The following SEMA5B variants were observed in gnomAD, a reference collection of about 807,000 sequenced individuals.
SEMA5B encodes semaphorin 5B.
SEMA5B carries 66 observed loss-of-function variants against 135.0 expected under a neutral mutation model. The ratio of observed to expected loss-of-function variants is 0.49; its 90% CI spans 0.40 to 0.60. The LOEUF is 0.60. SEMA5B is among the 20% of genes least tolerant of loss of function. The pLI, the probability that SEMA5B is intolerant of heterozygous loss-of-function variation, is 0.00. For missense variants in SEMA5B, 1,501 were observed against 1,566.3 expected, an observed-to-expected ratio of 0.96 and a Z score of 0.70; for synonymous variants, 690 against 639.5, an observed-to-expected ratio of 1.08 and a Z score of -1.19.
intron 21 of SEMA5B, 119 bp from the exon 22 acceptor site, chr3:122,911,164 T>C: frequency 9.5e-7 from 1 of 1,052,044 alleles, no homozygotes; most frequent in Non-Finnish European, 1.4e-6. Context: ...GAAAGGGCTC[T>C]GAGGCCACAG....
chr3:122,930,419 G>A (rs560757883), intron 5 of SEMA5B, among the ~76,000 whole-genome samples: 232 of 152,370 alleles, frequency 1.5e-3, no homozygotes, highest in African/African-American at 5.5e-3. Flanking sequence ...AAACAACCGA[G>A]CACTGTCATA....
At chr3:122,996,958 T>C (rs1474059135) in intron 1 of SEMA5B, among the ~76,000 whole-genome samples, 1 of 152,320 alleles carries the variant, frequency 6.6e-6, no homozygotes, top group Admixed American at 6.5e-5. Flanking sequence ...TGGTCCACCC[T>C]TGGGTTCTTT....
In SEMA5B at chr3:123,000,488, C is replaced by T. The variant is rs573987897; in HGVS notation, c.-39+26976G>A. On this transcript the variant is annotated intron_variant, in intron 1 of 22. Coordinates refer to ENST00000357599, the MANE Select transcript of SEMA5B (RefSeq NM_001031702.4). ...TAAAGGGCATCATAACAGCAAATGCCTCTCTGGCATTTGGCATGCACCTGG... is the reference window on the plus strand; with the variant it reads ...TAAAGGGCATCATAACAGCAAATGCTTCTCTGGCATTTGGCATGCACCTGG... 8.5e-5 allele frequency among the ~76,000 whole-genome samples: 13 copies of T among 152,294 alleles called. No individual in the cohort carries two copies. The South Asian group carries it at 1.9e-3, about 22-fold the overall frequency.
intron 1 of SEMA5B, among the ~76,000 whole-genome samples, chr3:123,020,538 A>G (rs73859434): frequency 0.021 from 3,151 of 152,320 alleles, 104 homozygotes; most frequent in African/African-American, 0.069. Flanking sequence ...GCCAGGAGCT[A>G]TAGCTGGTGC....
chr3:122,971,854 C>T (rs1015645751), intron 1 of SEMA5B, among the ~76,000 whole-genome samples: 3 of 152,254 alleles, frequency 2.0e-5, no homozygotes, highest in East Asian at 1.9e-4. Context: ...GTGGGAGCAA[C>T]AGGCACCGTG....
chr3:122,934,602 T>C (rs1037205380), intron 5 of SEMA5B, among the ~76,000 whole-genome samples: 2 of 152,228 alleles, frequency 1.3e-5, no homozygotes, highest in African/African-American at 2.4e-5. Flanking sequence ...AATTGCAGCA[T>C]ATTTGAATCC....
At chr3:122,927,685 G>A in intron 8 of SEMA5B, 105 bp downstream of exon 8, 1 of 777,524 alleles carries the variant, frequency 1.3e-6, no homozygotes, top group Non-Finnish European at 1.9e-6. Context: ...GCAAGTGGGA[G>A]CACTTGCAGA....
chr3:123,016,260 T>C (rs1311891899), intron 1 of SEMA5B, among the ~76,000 whole-genome samples: 1 of 152,184 alleles, frequency 6.6e-6, no homozygotes, highest in Non-Finnish European at 1.5e-5. Context: ...GGGAAGACAG[T>C]ATTCTGTAGG....
chr3:122,923,561 G>C (rs1938478212), intron 10 of SEMA5B, 56 bp downstream of exon 10: 1 of 1,600,662 alleles, frequency 6.2e-7, no homozygotes, highest in Admixed American at 1.7e-5. Context: ...CTTGTGGCTG[G>C]TAATCTGGGG....
At chr3:123,019,489 T>A (rs1423577365) in intron 1 of SEMA5B, among the ~76,000 whole-genome samples, 6 of 152,070 alleles carry the variant, frequency 3.9e-5, no homozygotes, top group Non-Finnish European at 7.4e-5. Flanking sequence ...CTTGGGAGGT[T>A]GAGATGGGAG....
At chr3:123,013,332 G>A (rs773460191) in intron 1 of SEMA5B, among the ~76,000 whole-genome samples, 16 of 152,152 alleles carry the variant, frequency 1.1e-4, no homozygotes, top group African/African-American at 3.1e-4. Flanking sequence ...ACACCCGCCC[G>A]CTTCTGCAAA....
chr3:123,009,154 G>A (rs1218491477), intron 1 of SEMA5B, among the ~76,000 whole-genome samples: 1 of 152,176 alleles, frequency 6.6e-6, no homozygotes, highest in Non-Finnish European at 1.5e-5. Context: ...TTCAGCCTGA[G>A]ATGAAAGGGA....
intron 5 of SEMA5B, among the ~76,000 whole-genome samples, chr3:122,932,763 G>A (rs72970514): frequency 0.019 from 2,849 of 152,224 alleles, 86 homozygotes; most frequent in African/African-American, 0.066. Flanking sequence ...CCCTCTTGCT[G>A]TGTGTGTGTC....
intron 5 of SEMA5B, among the ~76,000 whole-genome samples, chr3:122,938,894 C>A (rs916667361): frequency 1.3e-5 from 2 of 152,216 alleles, no homozygotes; most frequent in African/African-American, 4.8e-5. Context: ...CTTGGGAAGT[C>A]CTTCTTGGCA....
intron 1 of SEMA5B, among the ~76,000 whole-genome samples, chr3:122,970,671 C>T (rs566673137): frequency 3.3e-5 from 5 of 152,308 alleles, no homozygotes; most frequent in African/African-American, 1.2e-4. Context: ...ATGAACATCT[C>T]GTTTAATCAT....
intron 1 of SEMA5B, among the ~76,000 whole-genome samples, chr3:122,999,628 G>T (rs1576401120): frequency 6.6e-6 from 1 of 152,064 alleles, no homozygotes. Flanking sequence ...ACCTCCTGGG[G>T]CTGAGGGCAG....
At chr3:122,979,021 G>A (rs1941433399) in intron 1 of SEMA5B, among the ~76,000 whole-genome samples, 2 of 152,128 alleles carry the variant, frequency 1.3e-5, no homozygotes, top group African/African-American at 4.8e-5. Context: ...CTCCGAAGGC[G>A]GTTCAGAGAG....
intron 1 of SEMA5B, among the ~76,000 whole-genome samples, chr3:122,988,639 G>T (rs1453261186): frequency 6.6e-6 from 1 of 152,258 alleles, no homozygotes; most frequent in Non-Finnish European, 1.5e-5. Flanking sequence ...GGACTTGGCA[G>T]TTGGGAGCAA....
intron 1 of SEMA5B, among the ~76,000 whole-genome samples, chr3:123,025,267 A>G (rs964786010): frequency 6.6e-6 from 1 of 151,952 alleles, no homozygotes; most frequent in Non-Finnish European, 1.5e-5. Flanking sequence ...GTCCCACCTG[A>G]GTCATCGAGT....
Sources: gnomAD v4.1 joint callset for allele counts (sites outside exome capture counted in the v4.1 genomes callset) on GRCh38, gnomAD v4.1.1 for gene constraint, MANE v1.5 for transcripts, NCBI Gene and HGNC (gene_info 2026-07-23, HGNC 2026-07-21) for gene names.